Variants in ABCF3 observed in about 807,000 individuals in gnomAD.
The protein encoded by ABCF3 is ATP binding cassette subfamily F member 3.
Under a neutral mutation model 94.3 loss-of-function variants are expected in ABCF3, and 62 were observed. That is an observed-to-expected ratio of 0.66 (90% CI 0.54 to 0.81). The LOEUF (loss-of-function observed/expected upper bound fraction) is 0.81. Among genes scored for constraint, ABCF3 ranks in the 40% least tolerant of loss-of-function variants. ABCF3 has a pLI of 0.00. For synonymous variants in ABCF3, 355 were observed against 361.1 expected (o/e 0.98, Z 0.19); for missense variants, 843 against 925.3 (o/e 0.91, Z 1.15).
rs1376453998 is a variant in ABCF3 at position 184,189,888 on chromosome 3, A to G, written c.1348A>G (p.Arg450Gly). 4.3e-6 allele frequency: 7 copies of G among 1,614,236 alleles called. No homozygotes were observed. The highest frequency in any genetic ancestry group is 5.9e-6 in the Non-Finnish European group (7 of 1,180,052). Residue 450 changes from arginine to glycine, a missense_variant, in exon 14 of 21, where the codon AGG becomes GGG. Coordinates refer to ENST00000429586, the MANE Select transcript of ABCF3 (RefSeq NM_018358.3). ...TGACCGGTTTCGCTACAATGCCAACAGGGCCTCTCAAGTGCAGAGTAAACT... is the reference window on the plus strand; with the variant it reads ...TGACCGGTTTCGCTACAATGCCAACGGGGCCTCTCAAGTGCAGAGTAAACT... The part of the protein sequence containing the change: ...FIDRFRYNAN[R>G]ASQVQSKLKM...
chr3:184,193,583 T>A lies in ABCF3; in HGVS notation c.2015T>A (p.Leu672Gln), dbSNP rs758342124. The A allele has an allele frequency of 6.2e-7, 1 of 1,614,204 alleles. No homozygotes were observed. The highest frequency in any genetic ancestry group is 1.3e-5 in the African/African-American group (1 of 75,056). Residue 672 changes from leucine to glutamine, a missense_variant, in exon 21 of 21, where the codon CTG (leucine) becomes CAG (glutamine). Transcript: ENST00000429586. The surrounding 1 kb of genome is among the most constrained non-coding windows in gnomAD (Gnocchi z 5.2). ...LVSHDERFIR[L>Q]VCRELWVCEG... The stretch of plus-strand genomic sequence containing the variant: ...TCCCACGATGAGCGCTTTATCAGGC[T>A]GGTGTGCCGGGAGTTGTGGGTATGC...
Position 184,188,584 on chromosome 3 carries a change from C to T in ABCF3, c.836+177C>T, listed in dbSNP as rs994041854. 5 of 1,042,746 alleles carry T rather than the reference C, an allele frequency of 4.8e-6. No individual in the cohort carries two copies. In the African/African-American group the frequency reaches 6.5e-5, roughly 13 times the overall value. The allele number at this position is 1,042,746 out of a possible 1,614,324, so 64.6% of individuals were successfully genotyped here. A position where few individuals can be genotyped will look rare whatever the true frequency, so the allele number is the denominator to read the frequency against. Reference sequence around the variant, plus strand: ...ACAGTGCCCATTGCCCTTTCTTGTTCTTTCCACAGTGCCCATTTCCATAGT... The same window carrying T: ...ACAGTGCCCATTGCCCTTTCTTGTTTTTTCCACAGTGCCCATTTCCATAGT... On this transcript the variant is annotated intron_variant, in intron 7 of 20. Transcript: ENST00000429586.
intron 4 of ABCF3, 61 bp from the exon 5 acceptor site, chr3:184,187,603 C>G: frequency 1.3e-6 from 2 of 1,594,310 alleles, no homozygotes; most frequent in Non-Finnish European, 1.7e-6. Context: ...GAGATGTTCT[C>G]TCTTGGGGTT....
In ABCF3 at chr3:184,186,536, G is replaced by C. The variant is rs1028792785; in HGVS notation, c.103G>C (p.Glu35Gln). 6.2e-7 allele frequency: 1 copy of C among 1,613,462 alleles called. No homozygotes were observed. Among genetic ancestry groups the C allele is most frequent in the Non-Finnish European group, 8.5e-7 (1 of 1,179,654 alleles). The change falls in exon 2 of 21, where the codon GAG (glutamate) becomes CAG (glutamine). Residue 35 changes from glutamate (E) to glutamine (Q), a missense_variant. Transcript: ENST00000429586. ...GVLHSGSADF[E>Q]SVDDLVEAVG... ...CTTGCACAGCGGCAGCGCGGACTTC[G>C]AGTCTGTGGATGACCTGGTGGAAGC...
Position 184,186,835 on chromosome 3 carries a change from G to T in ABCF3, c.261G>T (p.Leu87=). The change falls in exon 3 of 21, where the codon CTG becomes CTT. Residue 87 remains leucine, a synonymous_variant. Coordinates refer to ENST00000429586, the MANE Select transcript of ABCF3 (RefSeq NM_018358.3). The stretch of plus-strand genomic sequence containing the variant: ...GCCAGGGAAATAGCCAGGTGCTACT[G>T]GACGCCCCTATCCAGTTGTCAAAGA... ...PQSQGNSQVL[L]DAPIQLSKIT... 1 of 1,613,822 alleles carries T rather than the reference G, an allele frequency of 6.2e-7. No individual in the cohort carries two copies. Among genetic ancestry groups the T allele is most frequent in the Non-Finnish European group, 8.5e-7 (1 of 1,179,878 alleles).
intron 6 of ABCF3, 66 bp downstream of exon 6, chr3:184,188,049 A>C: frequency 6.2e-7 from 1 of 1,612,948 alleles, no homozygotes; most frequent in East Asian, 2.2e-5. Context: ...TGGAGAGGTG[A>C]AACGGGGCTA....
intron 8 of ABCF3, 27 bp from the exon 9 acceptor site, chr3:184,188,902 T>C: frequency 1.2e-6 from 2 of 1,614,230 alleles, no homozygotes; most frequent in Non-Finnish European, 1.7e-6. Flanking sequence ...CTGTTCCAAC[T>C]GAGTTCTTCG....
In ABCF3 at chr3:184,191,207, C is replaced by G. The variant is rs761481003; in HGVS notation, c.1521C>G (p.Ile507Met). 1 of 1,614,218 alleles carries G rather than the reference C, an allele frequency of 6.2e-7. No individual in the cohort carries two copies. Among genetic ancestry groups the G allele is most frequent in the South Asian group, 1.1e-5 (1 of 91,084 alleles). Residue 507 changes from isoleucine to methionine, a missense_variant, in exon 16 of 21, where the codon ATC becomes ATG. Transcript: ENST00000429586. The part of the protein sequence containing the change: ...VDFYYDPKHV[I>M]FSRLSVSADL... The stretch of plus-strand genomic sequence containing the variant: ...TCTACTACGATCCGAAGCACGTCAT[C>G]TTCAGTCGCCTCTCTGTGTCTGCTG...
intron 16 of ABCF3, 145 bp from the exon 17 acceptor site, chr3:184,192,456 C>G: frequency 1.3e-6 from 1 of 778,456 alleles, no homozygotes; most frequent in Non-Finnish European, 2.0e-6. Context: ...CCCCTCCTCC[C>G]CCCTTATCCT....
Position 184,193,158 on chromosome 3 carries a change from C to T in ABCF3, c.1807C>T (p.Leu603=), listed in dbSNP as rs1716136960. 6.4e-7 allele frequency: 1 copy of T among 1,566,332 alleles called. No homozygotes were observed. Among genetic ancestry groups the T allele is most frequent in the Non-Finnish European group, 8.6e-7 (1 of 1,157,224 alleles). Residue 603 remains leucine, a synonymous_variant, in exon 19 of 21, where the codon CTG becomes TTG. Coordinates refer to ENST00000429586, the MANE Select transcript of ABCF3 (RefSeq NM_018358.3). This position sits in a 1 kb window ranked among gnomAD's most constrained non-coding sequence, Gnocchi z 5.2. ...QLGRYGISGE[L]AMRPLASLSG... Reference sequence around the variant, plus strand: ...GGGTCGGTATGGCATCTCCGGAGAACTGGCCATGCGTCCTCTTGCCAGCCT... The same window carrying T: ...GGGTCGGTATGGCATCTCCGGAGAATTGGCCATGCGTCCTCTTGCCAGCCT...
Position 184,188,981 on chromosome 3 carries a change from C to T in ABCF3, c.970C>T (p.Pro324Ser). The T allele has an allele frequency of 1.2e-6, 2 of 1,614,238 alleles. No individual in the cohort carries two copies. The highest frequency in any genetic ancestry group is 1.7e-6 in the Non-Finnish European group (2 of 1,180,040). ...LGFTPKMQQQ[P>S]TREFSGGWRM... ...CTTTACCCCTAAAATGCAGCAGCAGCCCACCCGGTGAGTGACCCTTGCCAT... is the reference window on the plus strand; with the variant it reads ...CTTTACCCCTAAAATGCAGCAGCAGTCCACCCGGTGAGTGACCCTTGCCAT... Residue 324 changes from proline (P) to serine (S), a missense_variant, in exon 9 of 21, where the codon CCC becomes TCC. Transcript: ENST00000429586.
In ABCF3 at chr3:184,186,496, GCC is replaced by G. The variant is rs772821108; in HGVS notation, c.74-9_74-8del. On this transcript the variant is annotated splice_polypyrimidine_tract_variant and intron_variant, in intron 1 of 20. Coordinates refer to ENST00000429586, the MANE Select transcript of ABCF3 (RefSeq NM_018358.3). ...CCCGATACCTTCCTCGTTCTACCACGCCCTGCCCAGGCGTCTTGCACAGCGGC... is the reference window on the plus strand; with the variant it reads ...CCCGATACCTTCCTCGTTCTACCACGCTGCCCAGGCGTCTTGCACAGCGGC... 6.2e-7 allele frequency: 1 copy of G among 1,605,438 alleles called. No homozygotes were observed. The highest frequency in any genetic ancestry group is 8.5e-7 in the Non-Finnish European group (1 of 1,175,302).
Position 184,189,902 on chromosome 3 carries a change from G to A in ABCF3, c.1362G>A (p.Val454=), listed in dbSNP as rs1386635720. The change falls in exon 14 of 21, where the codon GTG becomes GTA. Residue 454 remains valine, a synonymous_variant. Transcript: ENST00000429586. ...FRYNANRASQ[V]QSKLKMLEKL... Reference sequence around the variant, plus strand: ...ACAATGCCAACAGGGCCTCTCAAGTGCAGAGTAAACTCAAGATGCTGGAGA... The same window carrying A: ...ACAATGCCAACAGGGCCTCTCAAGTACAGAGTAAACTCAAGATGCTGGAGA... 6.2e-7 allele frequency: 1 copy of A among 1,614,108 alleles called. No individual in the cohort carries two copies. The highest frequency in any genetic ancestry group is 1.7e-5 in the Admixed American group (1 of 60,006).
In ABCF3 at chr3:184,193,311, T is replaced by C; in HGVS notation, c.1884-54T>C. 6.2e-7 allele frequency: 1 copy of C among 1,613,082 alleles called. No individual in the cohort carries two copies. The highest frequency in any genetic ancestry group is 8.5e-7 in the Non-Finnish European group (1 of 1,179,440). ...AGTAGAAAACTGTATCAGAAGGCTT[T>C]ATTTTCTCTCACCGCACCCCTTCAC... is the stretch of plus-strand genomic sequence containing the variant. On this transcript the variant is annotated intron_variant, in intron 19 of 20. Coordinates refer to ENST00000429586, the MANE Select transcript of ABCF3 (RefSeq NM_018358.3). The surrounding 1 kb of genome is among the most constrained non-coding windows in gnomAD (Gnocchi z 5.2).
chr3:184,187,103 C>A, intron 3 of ABCF3: 2 of 633,178 alleles, frequency 3.2e-6, no homozygotes, highest in Non-Finnish European at 5.5e-6. Flanking sequence ...GAGCCTGGAG[C>A]TGGACAGACT....
chr3:184,188,962 C>T lies in ABCF3; in HGVS notation c.951C>T (p.Thr317=), dbSNP rs138487121. Residue 317 remains threonine, a synonymous_variant, in exon 9 of 21, where the codon ACC becomes ACT. Coordinates refer to ENST00000429586, the MANE Select transcript of ABCF3 (RefSeq NM_018358.3). ...ASVILAGLGF[T]PKMQQQPTRE... is the part of the protein sequence containing the mutation. ...TCATTCTCGCTGGGCTTGGCTTTAC[C>T]CCTAAAATGCAGCAGCAGCCCACCC... 25 of 1,614,208 alleles carry T rather than the reference C, an allele frequency of 1.5e-5. No individual in the cohort carries two copies. In the African/African-American group the frequency reaches 2.5e-4, roughly 16 times the overall value.
rs142165315 is a variant in ABCF3, at chr3:184,191,172, G to A, written c.1486G>A (p.Glu496Lys). 3.1e-6 allele frequency: 5 copies of A among 1,614,222 alleles called. No individual in the cohort carries two copies. The highest frequency in any genetic ancestry group is 2.2e-5 in the East Asian group (1 of 44,892). ...KFSPPILQLD[E>K]VDFYYDPKHV... is the part of the protein sequence containing the mutation. ...CTCGCCGCCAATTCTGCAGCTAGAT[G>A]AGGTGGATTTCTACTACGATCCGAA... The change falls in exon 16 of 21, where the codon GAG (glutamate) becomes AAG (lysine). Residue 496 changes from glutamate (E) to lysine (K), a missense_variant. Physicochemically the swap from Glu to Lys is moderately conservative, Grantham distance 56. Coordinates refer to ENST00000429586, the MANE Select transcript of ABCF3 (RefSeq NM_018358.3).
In ABCF3 at chr3:184,191,215, G is replaced by A. The variant is rs9811715; in HGVS notation, c.1529G>A (p.Arg510His). The A allele has an allele frequency of 2.7e-3, 4,302 of 1,614,152 alleles. 95 individuals carry two copies. The African/African-American group carries it at 0.049, about 18-fold the overall frequency. The change falls in exon 16 of 21, where the codon CGC becomes CAC. Residue 510 changes from arginine (R) to histidine (H), a missense_variant. By Grantham distance (29) the Arg-to-His change is conservative. Transcript: ENST00000429586. ...YYDPKHVIFS[R>H]LSVSADLESR... ...GATCCGAAGCACGTCATCTTCAGTC[G>A]CCTCTCTGTGTCTGCTGATCTCGAG... is the stretch of plus-strand genomic sequence containing the variant.
chr3:184,191,371 G>T, intron 16 of ABCF3, 116 bp downstream of exon 16: 1 of 1,507,990 alleles, frequency 6.6e-7, no homozygotes, highest in Non-Finnish European at 9.0e-7. Flanking sequence ...CAGGAGTGAG[G>T]GCCCGGGCTA....
Sources: gnomAD v4.1 joint callset for allele counts on GRCh38, gnomAD v4.1.1 for gene constraint, Gnocchi (gnomAD v3.1) non-coding constraint, MANE v1.5 for transcripts, NCBI Gene and HGNC (gene_info 2026-07-23, HGNC 2026-07-21) for gene names.